Variants in MINDY4 observed in about 807,000 individuals in gnomAD.
MINDY4 encodes probable ubiquitin carboxyl-terminal hydrolase MINDY-4.
Under a neutral mutation model 87.0 loss-of-function variants are expected in MINDY4, and 68 were observed. The ratio of observed to expected loss-of-function variants is 0.78; its 90% CI spans 0.64 to 0.96. The LOEUF is 0.96. MINDY4 is among the 40% of genes least tolerant of loss of function. The pLI, the probability that MINDY4 is intolerant of heterozygous loss-of-function variation, is 0.00. For synonymous variants in MINDY4, 379 were observed against 363.2 expected, an observed-to-expected ratio of 1.04 and a Z score of -0.50; for missense variants, 919 against 928.2, an observed-to-expected ratio of 0.99 and a Z score of 0.13.
At chr7:30,785,617 C>T in intron 3 of MINDY4, 132 bp from the exon 4 acceptor site, 1 of 1,079,686 alleles carries the variant, frequency 9.3e-7, no homozygotes, top group Non-Finnish European at 1.4e-6. Flanking sequence ...TGATAACGCA[C>T]TGGCTGGTTA....
At chr7:30,838,651 A>T (rs1007667385) in intron 7 of MINDY4, among the ~76,000 whole-genome samples, 2 of 152,168 alleles carry the variant, frequency 1.3e-5, no homozygotes, top group Non-Finnish European at 2.9e-5. Flanking sequence ...TGTGGGTCAC[A>T]GTTTAGTAAC....
At chr7:30,784,585 T>C (rs771761445) in intron 3 of MINDY4, among the ~76,000 whole-genome samples, 1 of 152,228 alleles carries the variant, frequency 6.6e-6, no homozygotes, top group Non-Finnish European at 1.5e-5. Flanking sequence ...GCAGCTTTCA[T>C]GGTAAACTCC....
intron 4 of MINDY4, chr7:30,786,581 C>G (rs1473077757): frequency 6.9e-6 from 1 of 145,406 alleles, no homozygotes. Context: ...GAGCTGTGAT[C>G]ATGTGACTGT....
At chr7:30,831,327 GC>G (rs1187169517) in intron 6 of MINDY4, among the ~76,000 whole-genome samples, 2 of 152,122 alleles carry the variant, frequency 1.3e-5, no homozygotes, top group African/African-American at 2.4e-5. Context: ...TTTTCAGGGG[GC>G]TCTATCTCTC....
intron 5 of MINDY4, among the ~76,000 whole-genome samples, chr7:30,799,901 C>T (rs1195278747): frequency 2.0e-5 from 3 of 152,110 alleles, no homozygotes; most frequent in Middle Eastern, 3.2e-3. Context: ...AGGCTGATCC[C>T]CTGGGGAGAT....
chr7:30,882,372 T>TCCGCCCCCGCCCCC lies in MINDY4; in HGVS notation c.2152+12_2152+13insCGCCCCCGCCCCCC. ...TCCGGCTGACCATTGGTGCGGGCCCTCACCCCCCCACCCACCCAACCCTGT... is the reference window on the plus strand; with the variant it reads ...TCCGGCTGACCATTGGTGCGGGCCCTCCGCCCCCGCCCCCCACCCCCCCACCCACCCAACCCTGT... On this transcript the variant is annotated intron_variant, in intron 16 of 17. Coordinates refer to ENST00000265299, the MANE Select transcript of MINDY4 (RefSeq NM_032222.3). The TCCGCCCCCGCCCCC allele has an allele frequency of 6.6e-7, 1 of 1,521,500 alleles. No individual in the cohort carries two copies. The highest frequency in any genetic ancestry group is 8.9e-7 in the Non-Finnish European group (1 of 1,127,556). The allele number at this position is 1,521,500 out of a possible 1,614,324, so 94.2% of individuals were successfully genotyped here.
intron 6 of MINDY4, among the ~76,000 whole-genome samples, chr7:30,836,166 T>C (rs1453215371): frequency 6.6e-6 from 1 of 152,254 alleles, no homozygotes; most frequent in East Asian, 1.9e-4. Context: ...TAAATGCAAG[T>C]TACAATAGTG....
intron 17 of MINDY4, among the ~76,000 whole-genome samples, chr7:30,888,299 G>A (rs1345320124): frequency 2.0e-5 from 3 of 152,172 alleles, no homozygotes; most frequent in Non-Finnish European, 2.9e-5. Flanking sequence ...GTGCCCCTGG[G>A]GTTATTTGCC....
chr7:30,798,312 C>T (rs1419930410), intron 5 of MINDY4, among the ~76,000 whole-genome samples: 2 of 152,156 alleles, frequency 1.3e-5, no homozygotes, highest in Non-Finnish European at 2.9e-5. Flanking sequence ...CCACATATCT[C>T]ATTGGGATTC....
At chr7:30,876,054 A>G (rs1165975910) in intron 15 of MINDY4, among the ~76,000 whole-genome samples, 1 of 152,158 alleles carries the variant, frequency 6.6e-6, no homozygotes, top group Admixed American at 6.5e-5. Flanking sequence ...TTGAAACAAC[A>G]GAAACTTAAC....
rs113547740 is a variant in MINDY4 at position 30,852,120 on chromosome 7, T to A, written c.1548-96T>A. 238 of 1,402,358 alleles carry A rather than the reference T, an allele frequency of 1.7e-4. No homozygotes were observed. The African/African-American group carries it at 3.0e-3, about 17-fold the overall frequency. The allele number at this position is 1,402,358 out of a possible 1,614,324, so 86.9% of individuals were successfully genotyped here. A position where few individuals can be genotyped will look rare whatever the true frequency, so the allele number is the denominator to read the frequency against. On this transcript the variant is annotated intron_variant, in intron 10 of 17. Transcript: ENST00000265299. Reference sequence around the variant, plus strand: ...TTTTCTCTCTGGAGCCACCTTCTTATTTGTCCTTATTTAATGACACATGTG... The same window carrying A: ...TTTTCTCTCTGGAGCCACCTTCTTAATTGTCCTTATTTAATGACACATGTG...
intron 17 of MINDY4, among the ~76,000 whole-genome samples, chr7:30,885,793 G>T (rs775809179): frequency 3.3e-4 from 50 of 151,836 alleles, no homozygotes; most frequent in Non-Finnish European, 6.8e-4. Flanking sequence ...TGGGCCAGGG[G>T]AACCTTCTTC....
intron 5 of MINDY4, among the ~76,000 whole-genome samples, chr7:30,812,270 GA>G (rs66989067): frequency 0.13 from 8,265 of 64,114 alleles, 556 homozygotes; most frequent in African/African-American, 0.36. Flanking sequence ...TATGTGTGTT[GA>G]GGGGGGGGGG....
At chr7:30,812,271 A>T (rs112167706) in intron 5 of MINDY4, among the ~76,000 whole-genome samples, 2 of 55,928 alleles carry the variant, frequency 3.6e-5, no homozygotes, top group Non-Finnish European at 6.0e-5. Flanking sequence ...ATGTGTGTTG[A>T]GGGGGGGGGG....
At chr7:30,829,573 G>A (rs1374798448) in intron 6 of MINDY4, among the ~76,000 whole-genome samples, 1 of 152,232 alleles carries the variant, frequency 6.6e-6, no homozygotes, top group Non-Finnish European at 1.5e-5. Flanking sequence ...TGTGAGAGGT[G>A]TAGTCTGACA....
At chr7:30,800,855 G>A (rs1787627399) in intron 5 of MINDY4, among the ~76,000 whole-genome samples, 1 of 152,174 alleles carries the variant, frequency 6.6e-6, no homozygotes. Flanking sequence ...GGGATGCCTG[G>A]CAGTTTTTCA....
chr7:30,865,960 G>C (rs887144058), intron 13 of MINDY4, among the ~76,000 whole-genome samples: 2 of 152,226 alleles, frequency 1.3e-5, no homozygotes, highest in Non-Finnish European at 2.9e-5. Context: ...TACCAGCTGG[G>C]TGCTTGACTA....
At chr7:30,824,935 C>G (rs1788454151) in intron 5 of MINDY4, among the ~76,000 whole-genome samples, 1 of 151,988 alleles carries the variant, frequency 6.6e-6, no homozygotes, top group Admixed American at 6.5e-5. Context: ...GAGTCCTGGT[C>G]CCATGGAGCC....
At chr7:30,886,848 C>T (rs1790645133) in intron 17 of MINDY4, among the ~76,000 whole-genome samples, 1 of 152,208 alleles carries the variant, frequency 6.6e-6, no homozygotes, top group South Asian at 2.1e-4. Context: ...CTGCCCCCTC[C>T]CACTGTTATA....
Sources: allele counts gnomAD v4.1 joint callset (sites outside exome capture counted in the v4.1 genomes callset), GRCh38; gene constraint gnomAD v4.1.1; transcripts MANE v1.5; gene names NCBI Gene and HGNC (gene_info 2026-07-23, HGNC 2026-07-21).